Variants in PAPPA observed in about 807,000 individuals in gnomAD.
The protein encoded by PAPPA is pappalysin 1, also known as pappalysin-1.
Under a neutral mutation model 164.0 loss-of-function variants are expected in PAPPA, and 60 were observed. That is an observed-to-expected ratio of 0.37 (90% CI 0.30 to 0.45). The LOEUF is 0.45. Ranked by LOEUF, PAPPA falls within the 20% of genes least tolerant of loss-of-function variation. The pLI, the probability that PAPPA is intolerant of heterozygous loss-of-function variation, is 1.00. For synonymous variants in PAPPA, 875 were observed against 814.1 expected, an observed-to-expected ratio of 1.07 and a Z score of -1.27; for missense variants, 1,782 against 2,087.3, an observed-to-expected ratio of 0.85 and a Z score of 2.85.
intron 2 of PAPPA, among the ~76,000 whole-genome samples, chr9:116,194,922 G>A (rs1315428038): frequency 1.3e-5 from 2 of 152,054 alleles, no homozygotes; most frequent in Admixed American, 1.3e-4. Flanking sequence ...TTTTTTAAAG[G>A]ACTAGCCACA....
intron 9 of PAPPA, among the ~76,000 whole-genome samples, chr9:116,295,818 G>A (rs1227379902): frequency 2.0e-5 from 3 of 152,084 alleles, no homozygotes; most frequent in African/African-American, 7.2e-5. Context: ...TGTCAAGGAA[G>A]CCTTCTCTCA....
chr9:116,390,190 G>T (rs988053661), intron 21 of PAPPA, among the ~76,000 whole-genome samples: 1 of 152,186 alleles, frequency 6.6e-6, no homozygotes, highest in African/African-American at 2.4e-5. Flanking sequence ...GACACAGCAA[G>T]TCAGGAGGTC....
At position 116,332,381 on chromosome 9, in the gene PAPPA, G is replaced by A; in HGVS notation, c.3310G>A (p.Val1104Met). ...MVAAAVIVHL[V>M]TDGTYYGDQK... Reference sequence around the variant, plus strand: ...TGCCGCAGCTGTCATTGTCCACCTGGTGACGGATGGGACATATTATGGGGA... The same window carrying A: ...TGCCGCAGCTGTCATTGTCCACCTGATGACGGATGGGACATATTATGGGGA... Residue 1104 changes from valine (V) to methionine (M), a missense_variant, in exon 12 of 22, where the codon GTG becomes ATG. Physicochemically the swap from Val to Met is conservative, Grantham distance 21 (BLOSUM62 1). This residue lies in a region of PAPPA where 1,324 missense variants were observed against 1,656.9 expected (regional missense o/e 0.80). Coordinates refer to ENST00000328252, the MANE Select transcript of PAPPA (RefSeq NM_002581.5). 2 of 1,613,922 alleles carry A rather than the reference G, an allele frequency of 1.2e-6. No individual in the cohort carries two copies. Among genetic ancestry groups the A allele is most frequent in the African/African-American group, 1.3e-5 (1 of 75,032 alleles).
At chr9:116,296,861 TA>T (rs1845515612) in intron 9 of PAPPA, among the ~76,000 whole-genome samples, 2 of 149,440 alleles carry the variant, frequency 1.3e-5, no homozygotes, top group South Asian at 2.2e-4. Flanking sequence ...TTTATGTGTT[TA>T]TTTTTTTTTT....
chr9:116,338,581 G>T (rs1374663909), intron 13 of PAPPA, among the ~76,000 whole-genome samples: 1 of 152,182 alleles, frequency 6.6e-6, no homozygotes, highest in Non-Finnish European at 1.5e-5. Flanking sequence ...CTTGGCCAGA[G>T]ACCACAGATT....
rs564465688 is a variant in PAPPA, at chr9:116,256,868, C to T, written c.2733-8989C>T. Among the ~76,000 whole-genome samples, 4 of 151,608 alleles carry T rather than the reference C, an allele frequency of 2.6e-5. No individual in the cohort carries two copies. The East Asian group carries it at 7.8e-4, about 30-fold the overall frequency. On this transcript the variant is annotated intron_variant, in intron 7 of 21. Transcript: ENST00000328252. ...TGAGCTGATAAAAATGTATAGAACCCTGATACAGAACTAAATTATGAATAT... is the reference window on the plus strand; with the variant it reads ...TGAGCTGATAAAAATGTATAGAACCTTGATACAGAACTAAATTATGAATAT...
chr9:116,366,446 A>G lies in PAPPA; in HGVS notation c.4496-1199A>G, dbSNP rs376590881. Among the ~76,000 whole-genome samples the G allele has an allele frequency of 2.0e-5, 3 of 152,092 alleles. No individual in the cohort carries two copies. The East Asian group carries it at 5.8e-4, about 29-fold the overall frequency. The stretch of plus-strand genomic sequence containing the variant: ...TTTTTTTTATTCCTTTATCCATTTA[A>G]TCCATAACTCACTCATTCACTTATC... On this transcript the variant is annotated intron_variant, in intron 18 of 21. Coordinates refer to ENST00000328252, the MANE Select transcript of PAPPA (RefSeq NM_002581.5).
At chr9:116,256,912 T>G (rs1844934509) in intron 7 of PAPPA, among the ~76,000 whole-genome samples, 1 of 150,752 alleles carries the variant, frequency 6.6e-6, no homozygotes, top group African/African-American at 2.4e-5. Context: ...TGAATAGAGA[T>G]GTAGACTATT....
chr9:116,326,166 T>G (rs1845918384), intron 10 of PAPPA, among the ~76,000 whole-genome samples: 1 of 152,170 alleles, frequency 6.6e-6, no homozygotes, highest in African/African-American at 2.4e-5. Context: ...TCATCCATCC[T>G]CCAACCTGAG....
chr9:116,163,391 T>C (rs1843689862), intron 1 of PAPPA, among the ~76,000 whole-genome samples: 1 of 152,090 alleles, frequency 6.6e-6, no homozygotes, highest in African/African-American at 2.4e-5. Context: ...GGCCTGAGGC[T>C]CTCTGGAGAA....
intron 7 of PAPPA, among the ~76,000 whole-genome samples, chr9:116,245,588 A>T (rs1844787688): frequency 6.6e-6 from 1 of 152,200 alleles, no homozygotes; most frequent in South Asian, 2.1e-4. Context: ...ATTGGATTCA[A>T]GCAGTTTAGT....
At position 116,154,604 on chromosome 9, in the gene PAPPA, C is replaced by A. The variant is rs777947134; in HGVS notation, c.415+17C>A. On this transcript the variant is annotated intron_variant, in intron 1 of 21. Transcript: ENST00000328252. This position sits in a 1 kb window ranked among gnomAD's most constrained non-coding sequence, Gnocchi z 5.2. ...TGATCACAGGTAGGTGAGGGCGCCT[C>A]GGCGGGCGCTGCACCGTCCCTGCGG... 3 of 1,334,696 alleles carry A rather than the reference C, an allele frequency of 2.2e-6. No homozygotes were observed. The highest frequency in any genetic ancestry group is 3.8e-5 in the South Asian group (2 of 52,354). 82.7% of individuals were successfully genotyped at this position (1,334,696 alleles called of 1,614,324 possible). A position where few individuals can be genotyped will look rare whatever the true frequency, so the allele number is the denominator to read the frequency against.
intron 7 of PAPPA, among the ~76,000 whole-genome samples, chr9:116,255,958 A>C (rs1265756311): frequency 6.6e-6 from 1 of 151,826 alleles, no homozygotes; most frequent in East Asian, 2.0e-4. Flanking sequence ...TTGATGTTTG[A>C]ATTTATACTG....
chr9:116,180,685 G>A (rs988628438), intron 1 of PAPPA, among the ~76,000 whole-genome samples: 44 of 151,904 alleles, frequency 2.9e-4, no homozygotes, highest in African/African-American at 3.9e-4. Flanking sequence ...TCTCCACCCC[G>A]CCGCCCCCAG....
chr9:116,341,070 T>G (rs1002760282), intron 13 of PAPPA, among the ~76,000 whole-genome samples: 4 of 151,346 alleles, frequency 2.6e-5, no homozygotes, highest in African/African-American at 9.8e-5. Context: ...ATACACAGTC[T>G]CACTCTGTTT....
Position 116,235,601 on chromosome 9 carries a change from C to T in PAPPA, c.2696C>T (p.Ala899Val). 5 of 1,613,256 alleles carry T rather than the reference C, an allele frequency of 3.1e-6. No individual in the cohort carries two copies. Among genetic ancestry groups the T allele is most frequent in the Non-Finnish European group, 4.2e-6 (5 of 1,179,808 alleles). ...VRDPPLQMDV[A>V]SILHLNRKFV... The stretch of plus-strand genomic sequence containing the variant: ...GACCCTCCTCTCCAGATGGATGTGG[C>T]CTCCATCCTACATCTCAATAGGAAA... Residue 899 changes from alanine to valine, a missense_variant, in exon 7 of 22, where the codon GCC becomes GTC. Physicochemically the swap from Ala to Val is moderately conservative, Grantham distance 64. Transcript: ENST00000328252.
chr9:116,315,581 T>C (rs906204498), intron 10 of PAPPA, among the ~76,000 whole-genome samples: 5 of 152,114 alleles, frequency 3.3e-5, no homozygotes, highest in South Asian at 2.1e-4. Context: ...GCAGGAAAGA[T>C]TGGGGTCTAA....
intron 6 of PAPPA, among the ~76,000 whole-genome samples, chr9:116,232,219 C>T (rs770161017): frequency 3.3e-5 from 5 of 152,150 alleles, no homozygotes; most frequent in Non-Finnish European, 5.9e-5. Context: ...GCATTTGTTG[C>T]TCTACAATTG....
chr9:116,286,251 G>A (rs1845337623), intron 9 of PAPPA: 1 of 152,116 alleles, frequency 6.6e-6, no homozygotes, highest in South Asian at 2.1e-4. Flanking sequence ...AGAAGAATGG[G>A]TGGGTGGAAC....
Sources: allele counts gnomAD v4.1 joint callset (sites outside exome capture counted in the v4.1 genomes callset), GRCh38; gene constraint gnomAD v4.1.1; regional missense constraint gnomAD v4.1.1; non-coding constraint Gnocchi (gnomAD v3.1); transcripts MANE v1.5; gene names NCBI Gene and HGNC (gene_info 2026-07-23, HGNC 2026-07-21).